NLRC5: variants seen among roughly 807,000 people sequenced by gnomAD.
NLRC5 encodes the protein NLR family CARD domain containing 5, also known as protein NLRC5.
NLRC5 carries 114 observed loss-of-function variants against 206.9 expected under a neutral mutation model. That is an observed-to-expected ratio of 0.55 (90% CI 0.47 to 0.64). The LOEUF (loss-of-function observed/expected upper bound fraction) is 0.64. Among genes scored for constraint, NLRC5 ranks in the 30% least tolerant of loss-of-function variants. The pLI is 0.00. For missense variants in NLRC5, 2,008 were observed against 2,305.5 expected (o/e 0.87, Z 2.64); for synonymous variants, 952 against 962.8 (o/e 0.99, Z 0.21).
intron 28 of NLRC5, chr16:57,058,625 G>C: frequency 2.8e-6 from 1 of 354,612 alleles, no homozygotes; most frequent in South Asian, 3.4e-5. Context: ...GTGACAGCCA[G>C]CTCCAGGACA....
In NLRC5 at chr16:57,079,117, C is replaced by T. The variant is rs773641875; in HGVS notation, c.5149C>T (p.His1717Tyr). 1 of 1,614,166 alleles carries T rather than the reference C, an allele frequency of 6.2e-7. No individual in the cohort carries two copies. The highest frequency in any genetic ancestry group is 8.5e-7 in the Non-Finnish European group (1 of 1,180,024). Residue 1717 changes from histidine to tyrosine, a missense_variant, in exon 44 of 49, where the codon CAT (histidine) becomes TAT (tyrosine). Physicochemically the swap from His to Tyr is moderately conservative, Grantham distance 83. Transcript: ENST00000688547. ...SLAQALDGSP[H>Y]LEEISLAENN... ...GGCCCAGGCCCTGGATGGATCCCCC[C>T]ATTTGGAAGAGATCAGGTAAGTAGG...
chr16:56,996,352 T>C (rs548805579), intron 1 of NLRC5, among the ~76,000 whole-genome samples: 1 of 151,994 alleles, frequency 6.6e-6, no homozygotes, highest in African/African-American at 2.4e-5. Flanking sequence ...TAATTGTTTT[T>C]TGTTTTTATT....
Position 57,079,632 on chromosome 16 carries a change from GA to G in NLRC5, c.5321+4del. On this transcript the variant is annotated splice_donor_region_variant and intron_variant, in intron 46 of 48. Coordinates refer to ENST00000688547, the MANE Select transcript of NLRC5 (RefSeq NM_001384950.1). ...TGCCCTGCCCTGGAAGTAATCTTGT[GA>G]GTGATTGGAAGAGCCCTGAGCTGGC... 1.9e-6 allele frequency: 3 copies of G among 1,613,442 alleles called. No individual in the cohort carries two copies. Among genetic ancestry groups the G allele is most frequent in the Non-Finnish European group, 2.5e-6 (3 of 1,179,558 alleles).
chr16:57,066,579 T>C lies in NLRC5; in HGVS notation c.4287T>C (p.Pro1429=). The change falls in exon 34 of 49, where the codon CCT becomes CCC. Residue 1429 remains proline, a synonymous_variant. Transcript: ENST00000688547. ...QQQLCVQLEF[P]RQEENPEAVA... Reference sequence around the variant, plus strand: ...AGCTCTGTGTCCAGCTGGAATTTCCTCGCCAGGAAGAGAATCCAGAAGCTG... The same window carrying C: ...AGCTCTGTGTCCAGCTGGAATTTCCCCGCCAGGAAGAGAATCCAGAAGCTG... The C allele has an allele frequency of 1.2e-6, 2 of 1,613,986 alleles. No individual in the cohort carries two copies. Among genetic ancestry groups the C allele is most frequent in the East Asian group, 4.5e-5 (2 of 44,870 alleles).
At chr16:57,076,738 A>C (rs1396649645) in intron 39 of NLRC5, 81 bp from the exon 40 acceptor site, 3 of 1,350,108 alleles carry the variant, frequency 2.2e-6, no homozygotes, top group Non-Finnish European at 3.2e-6. Flanking sequence ...AAGGCTTTGC[A>C]AACTGTAGAG....
rs1041363244 is a variant in NLRC5 at position 57,069,728 on chromosome 16, T to A, written c.4500-108T>A. 8 of 833,232 alleles carry A rather than the reference T, an allele frequency of 9.6e-6. No homozygotes were observed. In the African/African-American group the frequency reaches 1.3e-4, roughly 14 times the overall value. The allele number at this position is 833,232 out of a possible 1,614,324, so 51.6% of individuals were successfully genotyped here. A position where few individuals can be genotyped will look rare whatever the true frequency, so the allele number is the denominator to read the frequency against. On this transcript the variant is annotated intron_variant, in intron 36 of 48. Transcript: ENST00000688547. ...CGAAGGGAAGGAGGTCTCCTCACAT[T>A]GCCCGCCACATCCCTACCCCACATC...
chr16:57,042,833 C>A (rs2063459412), intron 19 of NLRC5, among the ~76,000 whole-genome samples: 1 of 152,146 alleles, frequency 6.6e-6, no homozygotes, highest in South Asian at 2.1e-4. Context: ...GCCTAAGGAC[C>A]CCCTGCTCAC....
At chr16:57,080,982 C>T in intron 46 of NLRC5, 116 bp from the exon 47 acceptor site, 1 of 849,022 alleles carries the variant, frequency 1.2e-6, no homozygotes, top group Non-Finnish European at 1.9e-6. Flanking sequence ...CAGGTGGCCT[C>T]TCTTGAAAAC....
Position 57,041,596 on chromosome 16 carries a change from AGGTG to A in NLRC5, c.3029+33_3029+36del, listed in dbSNP as rs769459936. The stretch of plus-strand genomic sequence containing the variant: ...TCGAGTGAGTGGTTTGTGTGTTGGA[AGGTG>A]GGTGGGTGGGGCCAATTACAGTGAG... On this transcript the variant is annotated intron_variant, in intron 18 of 48. Coordinates refer to ENST00000688547, the MANE Select transcript of NLRC5 (RefSeq NM_001384950.1). 34 of 1,606,372 alleles carry A rather than the reference AGGTG, an allele frequency of 2.1e-5. No individual in the cohort carries two copies. In the African/African-American group the frequency reaches 3.7e-4, roughly 18 times the overall value.
At chr16:57,043,448 C>T in intron 19 of NLRC5, 67 bp from the exon 20 acceptor site, 2 of 1,243,272 alleles carry the variant, frequency 1.6e-6, no homozygotes, top group Admixed American at 3.4e-5. Flanking sequence ...CGCCCTGTGC[C>T]CTGACCACAA....
Position 57,045,481 on chromosome 16 carries a change from C to A in NLRC5, c.3237C>A (p.Asp1079Glu). The change falls in exon 21 of 49, where the codon GAC (aspartate) becomes GAA (glutamate). Residue 1079 changes from aspartate to glutamate, a missense_variant. By Grantham distance (45) the Asp-to-Glu change is conservative. Coordinates refer to ENST00000688547, the MANE Select transcript of NLRC5 (RefSeq NM_001384950.1). ...FESQHILLRG[D>E]KTSRDMWATG... Reference sequence around the variant, plus strand: ...GCCAACACATCCTCCTGAGAGGGGACAAGACAAGCAGGTGAGGAGGGAACG... The same window carrying A: ...GCCAACACATCCTCCTGAGAGGGGAAAAGACAAGCAGGTGAGGAGGGAACG... The A allele has an allele frequency of 1.2e-6, 2 of 1,614,042 alleles. No individual in the cohort carries two copies. The highest frequency in any genetic ancestry group is 8.5e-7 in the Non-Finnish European group (1 of 1,179,988).
intron 40 of NLRC5, 122 bp downstream of exon 40, chr16:57,077,024 C>A (rs2145073951): frequency 2.3e-6 from 2 of 876,104 alleles, no homozygotes; most frequent in South Asian, 2.9e-5. Flanking sequence ...CACTTCTACA[C>A]TGTGTAAACA....
At chr16:56,998,039 C>G (rs546587463) in intron 1 of NLRC5, among the ~76,000 whole-genome samples, 1 of 152,174 alleles carries the variant, frequency 6.6e-6, no homozygotes, top group South Asian at 2.1e-4. Flanking sequence ...GACCCAAAAC[C>G]AAGGCTCTAG....
chr16:57,030,386 G>GGATGGATGGATA (rs1223058816), intron 10 of NLRC5, among the ~76,000 whole-genome samples: 1 of 148,404 alleles, frequency 6.7e-6, no homozygotes, highest in Non-Finnish European at 1.5e-5. Context: ...ATGAAAAGAT[G>GGATGGATGGATA]GATGGATGGA....
At chr16:57,066,466 CCCAGGTGCCAG>C in intron 33 of NLRC5, 57 bp from the exon 34 acceptor site, 1 of 1,393,914 alleles carries the variant, frequency 7.2e-7, no homozygotes, top group Non-Finnish European at 1.0e-6. Context: ...AGCCGGGCAG[CCCAGGTGCCAG>C]CTAGGCCCTC....
chr16:56,995,732 C>T (rs1478884913), intron 1 of NLRC5, among the ~76,000 whole-genome samples: 1 of 152,142 alleles, frequency 6.6e-6, no homozygotes, highest in Non-Finnish European at 1.5e-5. Context: ...CAGATCTTAC[C>T]GTGGCATCAT....
Position 57,040,682 on chromosome 16 carries a change from T to C in NLRC5, c.2903T>C (p.Met968Thr), listed in dbSNP as rs2063170551. The change falls in exon 17 of 49, where the codon ATG (methionine) becomes ACG (threonine). Residue 968 changes from methionine (M) to threonine (T), a missense_variant. Coordinates refer to ENST00000688547, the MANE Select transcript of NLRC5 (RefSeq NM_001384950.1). ...TTTCTTGACAGCCTCATGCTCCAGA[T>C]GCCCTCTGAGCTGCCTCTGAGCTCC... is the stretch of plus-strand genomic sequence containing the variant. ...AAFLDSLMLQ[M>T]PSELPLSSRR... is the part of the protein sequence containing the mutation. 3 of 1,614,052 alleles carry C rather than the reference T, an allele frequency of 1.9e-6. No homozygotes were observed. The South Asian group carries it at 3.3e-5, about 18-fold the overall frequency.
intron 4 of NLRC5, among the ~76,000 whole-genome samples, chr16:57,023,121 T>C (rs2060857757): frequency 6.6e-6 from 1 of 152,234 alleles, no homozygotes; most frequent in Admixed American, 6.5e-5. Flanking sequence ...GCTGTTCCTA[T>C]TGGTCACTTA....
At chr16:57,066,635 C>T (rs1213725533) in intron 34 of NLRC5, 21 bp downstream of exon 34, 5 of 1,607,346 alleles carry the variant, frequency 3.1e-6, no homozygotes, top group South Asian at 1.1e-5. Context: ...GCACCAGGGA[C>T]CCCAAGGCAG....
Sources: gnomAD v4.1 joint callset for allele counts (sites outside exome capture counted in the v4.1 genomes callset) on GRCh38, gnomAD v4.1.1 for gene constraint, MANE v1.5 for transcripts, NCBI Gene and HGNC (gene_info 2026-07-23, HGNC 2026-07-21) for gene names.